SULT2B1: variants seen among roughly 807,000 people sequenced by gnomAD.
SULT2B1 encodes the protein sulfotransferase family 2B member 1, also known as sulfotransferase 2B1.
A neutral mutation model predicts 33.2 loss-of-function variants in SULT2B1; 16 were observed. The ratio of observed to expected loss-of-function variants is 0.48; its 90% CI spans 0.33 to 0.73. The LOEUF is 0.73. Among genes scored for constraint, SULT2B1 ranks in the 30% least tolerant of loss-of-function variants. The probability of loss-of-function intolerance (pLI) is 0.02; values close to 1 mark genes in which losing one functional copy is unlikely to be tolerated. For missense variants in SULT2B1, 500 were observed against 506.0 expected (o/e 0.99, Z 0.11); for synonymous variants, 186 against 200.5 (o/e 0.93, Z 0.61).
chr19:48,558,843 C>G (rs1973139357), intron 1 of SULT2B1, among the ~76,000 whole-genome samples: 1 of 151,954 alleles, frequency 6.6e-6, no homozygotes, highest in Admixed American at 6.6e-5. Context: ...CGCCACCACG[C>G]CTGGCTAAAT....
intron 3 of SULT2B1, chr19:48,591,344 T>G (rs948598565): frequency 8.2e-5 from 25 of 306,592 alleles, no homozygotes; most frequent in African/African-American, 5.0e-4. Flanking sequence ...GGTGGCACGC[T>G]CCTGTAGTCC....
At chr19:48,570,623 G>C (rs1275684208) in intron 1 of SULT2B1, among the ~76,000 whole-genome samples, 1 of 151,798 alleles carries the variant, frequency 6.6e-6, no homozygotes, top group Non-Finnish European at 1.5e-5. Flanking sequence ...TGAGGGTCAA[G>C]TGTAGATGTT....
intron 5 of SULT2B1, 76 bp from the exon 6 acceptor site, chr19:48,596,663 C>T: frequency 1.4e-6 from 2 of 1,443,338 alleles, no homozygotes; most frequent in South Asian, 2.7e-5. Flanking sequence ...AGGACCCAGA[C>T]ATGCGGATCC....
intron 5 of SULT2B1, chr19:48,596,530 A>C: frequency 2.0e-6 from 1 of 508,386 alleles, no homozygotes. Flanking sequence ...ATTCCCTCCC[A>C]CCTAGAGAAC....
At position 48,599,352 on chromosome 19, in the gene SULT2B1, C is replaced by T. The variant is rs1264653237; in HGVS notation, c.1044C>T (p.Ser348=). 6.4e-7 allele frequency: 1 copy of T among 1,568,522 alleles called. No individual in the cohort carries two copies. Reference sequence around the variant, plus strand: ...AGCGTGAGCCCAGACCCAACTCCAGCCCCAGCCCCAGCCCCGGCCAGGCCT... The same window carrying T: ...AGCGTGAGCCCAGACCCAACTCCAGTCCCAGCCCCAGCCCCGGCCAGGCCT... ...SLEREPRPNS[S]PSPSPGQASE... The change falls in exon 7 of 7, where the codon AGC becomes AGT. Residue 348 remains serine (S), a synonymous_variant. Coordinates refer to ENST00000201586, the MANE Select transcript of SULT2B1 (RefSeq NM_177973.2). The surrounding 1 kb of genome is among the most constrained non-coding windows in gnomAD (Gnocchi z 4.1).
chr19:48,599,083 G>A lies in SULT2B1; in HGVS notation c.827-52G>A, dbSNP rs917650063. 9 of 1,533,160 alleles carry A rather than the reference G, an allele frequency of 5.9e-6. No individual in the cohort carries two copies. Among genetic ancestry groups the A allele is most frequent in the African/African-American group, 1.4e-5 (1 of 72,724 alleles). The allele number at this position is 1,533,160 out of a possible 1,614,324, so 95.0% of individuals were successfully genotyped here. A position where few individuals can be genotyped will look rare whatever the true frequency, so the allele number is the denominator to read the frequency against. ...AGGTTGCTGGAATGTTGGAGGTAGGGGCGCAGTGCTCCCCAGAGGCTCCTC... is the reference window on the plus strand; with the variant it reads ...AGGTTGCTGGAATGTTGGAGGTAGGAGCGCAGTGCTCCCCAGAGGCTCCTC... On this transcript the variant is annotated intron_variant, in intron 6 of 6. Coordinates refer to ENST00000201586, the MANE Select transcript of SULT2B1 (RefSeq NM_177973.2). The surrounding 1 kb of genome is among the most constrained non-coding windows in gnomAD (Gnocchi z 4.1).
At chr19:48,576,444 G>A (rs537974407) in intron 2 of SULT2B1, among the ~76,000 whole-genome samples, 57 of 99,438 alleles carry the variant, frequency 5.7e-4, no homozygotes, top group African/African-American at 1.9e-3. Flanking sequence ...TGATCCTTCT[G>A]CCTTGGCCTC....
intron 1 of SULT2B1, among the ~76,000 whole-genome samples, chr19:48,569,346 A>AGAAAAG (rs1228632211): frequency 2.2e-5 from 3 of 135,006 alleles, no homozygotes; most frequent in Non-Finnish European, 4.7e-5. Flanking sequence ...CGTCTCAAAA[A>AGAAAAG]AAAAAAAAAA....
Position 48,579,446 on chromosome 19 carries a change from C to G in SULT2B1, c.214+3363C>G, listed in dbSNP as rs554799096. Reference sequence around the variant, plus strand: ...TACAGGCGCCCACCACCATACCCAGCTAATTTTTTGTATTTTTAGTAGAGA... The same window carrying G: ...TACAGGCGCCCACCACCATACCCAGGTAATTTTTTGTATTTTTAGTAGAGA... On this transcript the variant is annotated intron_variant, in intron 2 of 6. Transcript: ENST00000201586. Among the ~76,000 whole-genome samples, 160 of 151,362 alleles carry G rather than the reference C, an allele frequency of 1.1e-3. 1 individual carries two copies. In the Middle Eastern group the frequency reaches 0.024, roughly 23 times the overall value.
In SULT2B1 at chr19:48,592,710, C is replaced by T. The variant is rs747337017; in HGVS notation, c.551-12C>T. The T allele has an allele frequency of 3.2e-6, 5 of 1,580,334 alleles. No individual in the cohort carries two copies. In the Admixed American group the frequency reaches 9.1e-5, roughly 29 times the overall value. ...CACTCAGCCCTCACCCCACTTGTCCCTCTGCCCACAGTGCAGTTTGGCTCC... is the reference window on the plus strand; with the variant it reads ...CACTCAGCCCTCACCCCACTTGTCCTTCTGCCCACAGTGCAGTTTGGCTCC... On this transcript the variant is annotated splice_polypyrimidine_tract_variant and intron_variant, in intron 4 of 6. Coordinates refer to ENST00000201586, the MANE Select transcript of SULT2B1 (RefSeq NM_177973.2).
chr19:48,598,300 CTG>C (rs1601117028), intron 6 of SULT2B1, among the ~76,000 whole-genome samples: 1 of 152,096 alleles, frequency 6.6e-6, no homozygotes, highest in Admixed American at 6.6e-5. Flanking sequence ...AATGAGAAAA[CTG>C]AGGCTTGGGA....
At chr19:48,560,791 T>A (rs1973166233) in intron 1 of SULT2B1, among the ~76,000 whole-genome samples, 1 of 151,450 alleles carries the variant, frequency 6.6e-6, no homozygotes, top group Non-Finnish European at 1.5e-5. Context: ...TGAAACCCCA[T>A]CTCTAGTAAA....
chr19:48,597,419 C>T (rs1973734292), intron 6 of SULT2B1, among the ~76,000 whole-genome samples: 1 of 149,586 alleles, frequency 6.7e-6, no homozygotes, highest in Admixed American at 6.7e-5. Context: ...TCTCGGCTCA[C>T]TGCGACCTCC....
In SULT2B1 at chr19:48,591,678, C is replaced by T; in HGVS notation, c.493C>T (p.Gln165Ter). ...SLYHYSKIAG[Q>*]LKDPGTPDQF... ...CTATCATTACTCCAAGATCGCCGGG[C>T]AGTTAAAGGACCCGGGCACACCCGA... The change falls in exon 4 of 7, where the codon CAG (glutamine) becomes TAG (stop). Residue 165 changes from glutamine (Q) to a stop codon, truncating the protein, a stop_gained. Coordinates refer to ENST00000201586, the MANE Select transcript of SULT2B1 (RefSeq NM_177973.2). LOFTEE classifies it high-confidence loss of function. 1 of 1,612,896 alleles carries T rather than the reference C, an allele frequency of 6.2e-7. No individual in the cohort carries two copies. The highest frequency in any genetic ancestry group is 8.5e-7 in the Non-Finnish European group (1 of 1,179,476).
intron 3 of SULT2B1, among the ~76,000 whole-genome samples, chr19:48,590,233 C>A (rs1462647876): frequency 6.6e-6 from 1 of 152,026 alleles, no homozygotes; most frequent in Non-Finnish European, 1.5e-5. Flanking sequence ...AGGTGATCCA[C>A]CCGCCTTAGC....
intron 6 of SULT2B1, among the ~76,000 whole-genome samples, chr19:48,597,330 G>A (rs1029259964): frequency 7.3e-6 from 1 of 136,094 alleles, no homozygotes; most frequent in African/African-American, 2.7e-5. Flanking sequence ...CTCAAAACAC[G>A]TTTACTCTTT....
intron 3 of SULT2B1, 59 bp downstream of exon 3, chr19:48,587,496 G>A (rs1298667264): frequency 2.5e-6 from 4 of 1,572,902 alleles, no homozygotes; most frequent in East Asian, 2.2e-5. Context: ...GGGGTAATGG[G>A]GGGACGGAGC....
chr19:48,591,591 C>G lies in SULT2B1; in HGVS notation c.424-18C>G. 2.5e-6 allele frequency: 4 copies of G among 1,605,768 alleles called. No homozygotes were observed. The highest frequency in any genetic ancestry group is 3.4e-6 in the Non-Finnish European group (4 of 1,175,316). The stretch of plus-strand genomic sequence containing the variant: ...TGTGTCTGACGCCTTCTCCCCTCTC[C>G]TCACCATCCGCACACAGGTGATCTA... On this transcript the variant is annotated intron_variant, in intron 3 of 6. Coordinates refer to ENST00000201586, the MANE Select transcript of SULT2B1 (RefSeq NM_177973.2).
In SULT2B1 at chr19:48,587,356, G is replaced by A. The variant is rs754602461; in HGVS notation, c.342G>A (p.Pro114=). The change falls in exon 3 of 7, where the codon CCG becomes CCA. Residue 114 remains proline (P), a synonymous_variant. Coordinates refer to ENST00000201586, the MANE Select transcript of SULT2B1 (RefSeq NM_177973.2). The part of the protein sequence containing the change: ...CETIVGAFSL[P]DQYSPRLMSS... Reference sequence around the variant, plus strand: ...CCATTGTGGGTGCCTTCAGCCTCCCGGACCAGTACAGCCCCCGCCTCATGA... The same window carrying A: ...CCATTGTGGGTGCCTTCAGCCTCCCAGACCAGTACAGCCCCCGCCTCATGA... 1.9e-5 allele frequency: 30 copies of A among 1,613,890 alleles called. No homozygotes were observed. The highest frequency in any genetic ancestry group is 1.3e-4 in the Admixed American group (8 of 59,932).
Sources: gnomAD v4.1 joint callset for allele counts (sites outside exome capture counted in the v4.1 genomes callset) on GRCh38, gnomAD v4.1.1 for gene constraint, Gnocchi (gnomAD v3.1) non-coding constraint, MANE v1.5 for transcripts, NCBI Gene and HGNC (gene_info 2026-07-23, HGNC 2026-07-21) for gene names.